NIPBL: variants seen among roughly 807,000 people sequenced by gnomAD.
NIPBL encodes the protein NIPBL cohesin loading factor, also known as nipped-B-like protein.
In NIPBL, 19 loss-of-function variants were observed where a neutral mutation model predicts 321.8. That is an observed-to-expected ratio of 0.06 (90% CI 0.04 to 0.09). The LOEUF (loss-of-function observed/expected upper bound fraction) is 0.09. NIPBL is among the 10% of genes least tolerant of loss of function. The probability of loss-of-function intolerance (pLI) is 1.00; values close to 1 mark genes in which losing one functional copy is unlikely to be tolerated. For synonymous variants in NIPBL, 1,106 were observed against 1,114.1 expected, an observed-to-expected ratio of 0.99 and a Z score of 0.14; for missense variants, 2,210 against 3,327.0, an observed-to-expected ratio of 0.66 and a Z score of 8.26.
intron 1 of NIPBL, among the ~76,000 whole-genome samples, chr5:36,914,514 C>T (rs188657621): frequency 1.2e-4 from 18 of 152,180 alleles, no homozygotes; most frequent in Middle Eastern, 3.4e-3. Flanking sequence ...AACTTTAATG[C>T]GCAAAAGTAT....
intron 1 of NIPBL, among the ~76,000 whole-genome samples, chr5:36,952,043 TGTGTGTGTGTGCGCGCGC>T (rs1370501875): frequency 8.7e-6 from 1 of 115,138 alleles, no homozygotes; most frequent in Non-Finnish European, 1.9e-5. Context: ...TGTGTGTGTG[TGTGTGTGTGTGCGCGCGC>T]GCGCGCGCGC....
At chr5:36,886,796 G>A (rs1745941773) in intron 1 of NIPBL, among the ~76,000 whole-genome samples, 2 of 150,840 alleles carry the variant, frequency 1.3e-5, no homozygotes, top group Non-Finnish European at 2.9e-5. Flanking sequence ...ACTGCAGCCC[G>A]AGGCAACTAG....
intron 10 of NIPBL, among the ~76,000 whole-genome samples, chr5:36,988,542 A>AT (rs1745110284): frequency 6.6e-6 from 1 of 151,072 alleles, no homozygotes; most frequent in South Asian, 2.1e-4. Context: ...TTTGTTTTAG[A>AT]TTTTTGCTAC....
At chr5:37,043,135 C>T (rs1275747913) in intron 34 of NIPBL, among the ~76,000 whole-genome samples, 2 of 152,122 alleles carry the variant, frequency 1.3e-5, no homozygotes, top group Non-Finnish European at 2.9e-5. Flanking sequence ...GTGGCCCACA[C>T]CTGTAATCCC....
chr5:36,953,382 T>A (rs1272363348), intron 1 of NIPBL, among the ~76,000 whole-genome samples: 1 of 152,176 alleles, frequency 6.6e-6, no homozygotes, highest in Non-Finnish European at 1.5e-5. Flanking sequence ...TAATTTCCTC[T>A]TAGTAAAATG....
intron 11 of NIPBL, 91 bp downstream of exon 11, chr5:36,995,895 G>A: frequency 1.8e-6 from 2 of 1,124,528 alleles, no homozygotes; most frequent in Admixed American, 2.0e-5. Context: ...TTTAGCAAAA[G>A]CACAGTCACC....
rs550603682 is a variant in NIPBL, at chr5:37,002,193, T to C, written c.3665-469T>C. Among the ~76,000 whole-genome samples the C allele has an allele frequency of 3.9e-5, 6 of 152,326 alleles. No homozygotes were observed. The East Asian group carries it at 1.2e-3, about 29-fold the overall frequency. ...CAGGAAAAAAAGTTGTAGAGTAGGC[T>C]GCCTTGAAAGAAGCAATACCTTTTG... On this transcript the variant is annotated intron_variant, in intron 14 of 46. Coordinates refer to ENST00000282516, the MANE Select transcript of NIPBL (RefSeq NM_133433.4).
chr5:37,035,983 A>T (rs1751639965), intron 32 of NIPBL, among the ~76,000 whole-genome samples: 1 of 152,254 alleles, frequency 6.6e-6, no homozygotes, highest in South Asian at 2.1e-4. Context: ...TTTAAGGTGC[A>T]ATTCAGATGC....
At chr5:37,061,246 A>C (rs1754635544) in intron 45 of NIPBL, among the ~76,000 whole-genome samples, 2 of 152,190 alleles carry the variant, frequency 1.3e-5, no homozygotes, top group Admixed American at 1.3e-4. Context: ...GCCCACGAAT[A>C]ATTTTATTTT....
intron 32 of NIPBL, among the ~76,000 whole-genome samples, chr5:37,028,728 T>TA (rs1750612413): frequency 6.6e-6 from 1 of 152,234 alleles, no homozygotes; most frequent in Admixed American, 6.5e-5. Flanking sequence ...ATGACTTTTT[T>TA]AAAAAATTAT....
rs3207732 is a variant in NIPBL at position 37,065,087 on chromosome 5, C to G, written c.*195C>G. ...CGCTGTTGTGCAGCAGAAACAGATTCTCAGTTCATTTTTACTCCCACTGTA... is the reference window on the plus strand; with the variant it reads ...CGCTGTTGTGCAGCAGAAACAGATTGTCAGTTCATTTTTACTCCCACTGTA... On this transcript the variant is annotated 3_prime_UTR_variant, in exon 47 of 47. Transcript: ENST00000282516. 1.6e-6 allele frequency: 1 copy of G among 639,650 alleles called. No homozygotes were observed. The highest frequency in any genetic ancestry group is 2.8e-5 in the East Asian group (1 of 36,152). 39.6% of individuals were successfully genotyped at this position (639,650 alleles called of 1,614,324 possible).
chr5:36,961,293 T>C (rs1455772244), intron 4 of NIPBL, among the ~76,000 whole-genome samples, 191 bp from the exon 5 acceptor site: 2 of 152,172 alleles, frequency 1.3e-5, no homozygotes, highest in South Asian at 4.1e-4. Context: ...ATTAGTTTTA[T>C]GGAAAATGGT....
In NIPBL at chr5:37,020,738, AAAAG is replaced by A. The variant is rs1283139700; in HGVS notation, c.5226-33_5226-30del. On this transcript the variant is annotated intron_variant, in intron 26 of 46. Transcript: ENST00000282516. ...GATATCTATTTCCCTAAGTTACAAA[AAAAG>A]AAAAATAAATTTTTAATGACTTTTT... 4 of 1,607,866 alleles carry A rather than the reference AAAAG, an allele frequency of 2.5e-6. No homozygotes were observed. The African/African-American group carries it at 5.3e-5, about 21-fold the overall frequency.
chr5:37,049,090 A>T, intron 39 of NIPBL, 21 bp from the exon 40 acceptor site: 1 of 1,613,096 alleles, frequency 6.2e-7, no homozygotes, highest in Non-Finnish European at 8.5e-7. Flanking sequence ...ATGTGTGTTT[A>T]TCCTTTGCTT....
At chr5:37,021,964 T>G in intron 27 of NIPBL, 87 bp from the exon 28 acceptor site, 1 of 952,788 alleles carries the variant, frequency 1.0e-6, no homozygotes, top group South Asian at 1.4e-5. Context: ...AATAATAGAT[T>G]TGTTTTCTTT....
At chr5:36,999,574 GT>G (rs1357929573) in intron 11 of NIPBL, among the ~76,000 whole-genome samples, 1 of 152,216 alleles carries the variant, frequency 6.6e-6, no homozygotes, top group Non-Finnish European at 1.5e-5. Flanking sequence ...GCTATTGCCA[GT>G]TGATGAGAGT....
At chr5:36,935,552 A>C (rs910213409) in intron 1 of NIPBL, among the ~76,000 whole-genome samples, 1 of 152,132 alleles carries the variant, frequency 6.6e-6, no homozygotes, top group African/African-American at 2.4e-5. Context: ...TTGTATTAGA[A>C]TTGCTGTATC....
At chr5:37,059,225 G>A in intron 44 of NIPBL, 60 bp downstream of exon 44, 2 of 1,570,310 alleles carry the variant, frequency 1.3e-6, no homozygotes, top group Non-Finnish European at 1.7e-6. Flanking sequence ...TAAATATTTG[G>A]GCTGGGTGTG....
At chr5:36,919,598 C>T (rs74736995) in intron 1 of NIPBL, among the ~76,000 whole-genome samples, 17,596 of 152,160 alleles carry the variant, frequency 0.12, 1,103 homozygotes, top group Admixed American at 0.18. Flanking sequence ...GGTTACAATG[C>T]TTATTGCAAT....
Sources: allele counts gnomAD v4.1 joint callset (sites outside exome capture counted in the v4.1 genomes callset), GRCh38; gene constraint gnomAD v4.1.1; transcripts MANE v1.5; gene names NCBI Gene and HGNC (gene_info 2026-07-23, HGNC 2026-07-21).